Variants in PDE4B observed in about 807,000 individuals in gnomAD.
PDE4B encodes phosphodiesterase 4B, also known as 3',5'-cyclic-AMP phosphodiesterase 4B.
PDE4B carries 20 observed loss-of-function variants against 82.2 expected under a neutral mutation model. The observed-to-expected ratio is 0.24, with a 90% confidence interval of 0.17 to 0.35. The LOEUF is 0.35. PDE4B is among the 10% of genes least tolerant of loss of function. The probability of loss-of-function intolerance (pLI) is 1.00; values close to 1 mark genes in which losing one functional copy is unlikely to be tolerated. For synonymous variants in PDE4B, 320 were observed against 318.9 expected (o/e 1.00, Z -0.04); for missense variants, 655 against 907.2 (o/e 0.72, Z 3.57).
At chr1:66,300,316 G>T (rs1173974037) in intron 7 of PDE4B, among the ~76,000 whole-genome samples, 1 of 152,088 alleles carries the variant, frequency 6.6e-6, no homozygotes, top group East Asian at 1.9e-4. Context: ...GCATTCCTGG[G>T]TGCAGCCTGG....
chr1:66,088,918 G>A lies in PDE4B; in HGVS notation c.282-158542G>A, dbSNP rs146580265. Among the ~76,000 whole-genome samples, 3 of 152,106 alleles carry A rather than the reference G, an allele frequency of 2.0e-5. No homozygotes were observed. The South Asian group carries it at 6.2e-4, about 32-fold the overall frequency. The stretch of plus-strand genomic sequence containing the variant: ...TTTTTTCTGCATCTGCAGCCTTGGA[G>A]ATAGAAGCCCTACCAACAAGGGTTC... On this transcript the variant is annotated intron_variant, in intron 3 of 16. Transcript: ENST00000341517.
chr1:66,231,602 A>G (rs181260231), intron 3 of PDE4B, among the ~76,000 whole-genome samples: 1 of 152,366 alleles, frequency 6.6e-6, no homozygotes, highest in East Asian at 1.9e-4. Flanking sequence ...AGAAGCAGTT[A>G]AAAGAAATGC....
chr1:66,096,973 G>T (rs1328430435), intron 3 of PDE4B, among the ~76,000 whole-genome samples: 1 of 151,792 alleles, frequency 6.6e-6, no homozygotes, highest in African/African-American at 2.4e-5. Flanking sequence ...ATTTATCATG[G>T]ATATTCCATA....
At chr1:66,231,124 A>C (rs900512519) in intron 3 of PDE4B, among the ~76,000 whole-genome samples, 1 of 152,174 alleles carries the variant, frequency 6.6e-6, no homozygotes, top group African/African-American at 2.4e-5. Flanking sequence ...TAGAATGGTC[A>C]TGATTCAGAA....
chr1:66,087,673 G>T (rs1395048800), intron 3 of PDE4B, among the ~76,000 whole-genome samples: 3 of 151,944 alleles, frequency 2.0e-5, no homozygotes, highest in Admixed American at 6.6e-5. Context: ...ATACACCATG[G>T]AATACTATGC....
intron 7 of PDE4B, among the ~76,000 whole-genome samples, chr1:66,304,918 C>T (rs1658163393): frequency 6.6e-6 from 1 of 152,114 alleles, no homozygotes; most frequent in African/African-American, 2.4e-5. Flanking sequence ...TCACAAAATT[C>T]ATTTTAACAC....
intron 4 of PDE4B, among the ~76,000 whole-genome samples, chr1:66,249,442 G>T (rs145976152): frequency 6.6e-6 from 1 of 152,068 alleles, no homozygotes; most frequent in East Asian, 1.9e-4. Context: ...ATTCAGAGTC[G>T]CCCCAGAAAA....
intron 3 of PDE4B, among the ~76,000 whole-genome samples, chr1:66,164,229 C>T (rs1218223624): frequency 6.6e-6 from 1 of 151,978 alleles, no homozygotes; most frequent in Non-Finnish European, 1.5e-5. Flanking sequence ...ACTGGTGGTT[C>T]ATCTCTTATG....
intron 3 of PDE4B, among the ~76,000 whole-genome samples, chr1:66,172,574 T>TTCTTACCA (rs1646857200): frequency 6.6e-6 from 1 of 152,128 alleles, no homozygotes; most frequent in Admixed American, 6.5e-5. Flanking sequence ...ACCAACAATA[T>TTCTTACCA]ATAAGTGTTC....
At chr1:66,166,608 C>T (rs1393279741) in intron 3 of PDE4B, among the ~76,000 whole-genome samples, 1 of 151,830 alleles carries the variant, frequency 6.6e-6, no homozygotes, top group Non-Finnish European at 1.5e-5. Flanking sequence ...GTGGCGTGCA[C>T]CTGTAATCTA....
intron 3 of PDE4B, among the ~76,000 whole-genome samples, chr1:66,070,102 G>T (rs1035240959): frequency 1.3e-5 from 2 of 152,050 alleles, no homozygotes; most frequent in Non-Finnish European, 2.9e-5. Context: ...TCTGTTTCAC[G>T]TTCATACACT....
At position 66,363,580 on chromosome 1, in the gene PDE4B, T is replaced by A; in HGVS notation, c.1284+9T>A. ...CTACACCAGCATTAGACGTGAGTAA[T>A]TATGACCTGTTTTGCATTCCTGCCC... On this transcript the variant is annotated intron_variant, in intron 12 of 16. Transcript: ENST00000341517. 6.2e-7 allele frequency: 1 copy of A among 1,602,320 alleles called. No homozygotes were observed. Among genetic ancestry groups the A allele is most frequent in the Non-Finnish European group, 8.5e-7 (1 of 1,173,816 alleles).
intron 1 of PDE4B, among the ~76,000 whole-genome samples, chr1:65,896,490 C>A (rs1367249278): frequency 1.3e-5 from 2 of 152,084 alleles, no homozygotes; most frequent in African/African-American, 4.8e-5. Flanking sequence ...TGTGTATATA[C>A]ACACACAGTC....
intron 3 of PDE4B, among the ~76,000 whole-genome samples, chr1:66,128,112 G>A (rs535071529): frequency 1.3e-5 from 2 of 152,102 alleles, no homozygotes; most frequent in South Asian, 2.1e-4. Flanking sequence ...TTTAACATAG[G>A]TAGATTCTGG....
chr1:65,820,980 A>T (rs560009734), intron 1 of PDE4B, among the ~76,000 whole-genome samples: 2 of 152,300 alleles, frequency 1.3e-5, no homozygotes, highest in African/African-American at 4.8e-5. Context: ...CAGCCCAGGA[A>T]ATTATTTTTC....
chr1:65,990,245 T>C (rs939306074), intron 3 of PDE4B, among the ~76,000 whole-genome samples: 1 of 152,218 alleles, frequency 6.6e-6, no homozygotes, highest in Admixed American at 6.5e-5. Context: ...ACTATTGTAC[T>C]GCTTTAGGTA....
intron 3 of PDE4B, among the ~76,000 whole-genome samples, chr1:65,984,757 AAAAC>A (rs1373363988): frequency 3.9e-5 from 6 of 152,262 alleles, no homozygotes; most frequent in Admixed American, 2.6e-4. Flanking sequence ...TTCCATCTCA[AAAAC>A]AAACAAACAA....
chr1:65,798,377 G>A (rs1371614086), intron 1 of PDE4B, among the ~76,000 whole-genome samples: 1 of 85,552 alleles, frequency 1.2e-5, no homozygotes. Context: ...TCCTGCCTCA[G>A]CCTCCCGAGT....
chr1:66,055,857 G>A (rs1462929049), intron 3 of PDE4B, among the ~76,000 whole-genome samples: 1 of 152,136 alleles, frequency 6.6e-6, no homozygotes, highest in Non-Finnish European at 1.5e-5. Context: ...TTAGATTGAG[G>A]TAGACAGAGG....
Sources: gnomAD v4.1 joint callset for allele counts (sites outside exome capture counted in the v4.1 genomes callset) on GRCh38, gnomAD v4.1.1 for gene constraint, MANE v1.5 for transcripts, NCBI Gene and HGNC (gene_info 2026-07-23, HGNC 2026-07-21) for gene names.